Variants in MPDZ observed in about 807,000 individuals in gnomAD.
MPDZ encodes multiple PDZ domain crumbs cell polarity complex component.
MPDZ carries 234 observed loss-of-function variants against 239.1 expected under a neutral mutation model. That is an observed-to-expected ratio of 0.98 (90% confidence interval 0.88 to 1.09). MPDZ has a LOEUF of 1.09. Among genes scored for constraint, MPDZ ranks in the 50% least tolerant of loss-of-function variants. The probability of loss-of-function intolerance (pLI) is 0.00; values close to 1 mark genes in which losing one functional copy is unlikely to be tolerated. For missense variants in MPDZ, 3,175 were observed against 2,510.0 expected, an observed-to-expected ratio of 1.26 and a Z score of -5.66; for synonymous variants, 1,048 against 881.3, an observed-to-expected ratio of 1.19 and a Z score of -3.35.
At chr9:13,180,750 G>GAC (rs1342715530) in intron 19 of MPDZ, among the ~76,000 whole-genome samples, 1 of 152,152 alleles carries the variant, frequency 6.6e-6, no homozygotes, top group African/African-American at 2.4e-5. Flanking sequence ...ATATTTCAAT[G>GAC]ACCTGCCTCT....
At chr9:13,144,735 G>C (rs1012051002) in intron 26 of MPDZ, among the ~76,000 whole-genome samples, 3 of 151,932 alleles carry the variant, frequency 2.0e-5, no homozygotes, top group Non-Finnish European at 4.4e-5. Context: ...TCCTACAGAG[G>C]GAAGACAGGA....
rs191075409 is a variant in MPDZ at position 13,248,694 on chromosome 9, G to A, written c.17-893C>T. ...GTTAAAAAGTGGGAATCAGTGGGGC[G>A]CGGTGGCTCATGTCTGTAATCCCCG... On this transcript the variant is annotated intron_variant, in intron 2 of 46. Coordinates refer to ENST00000319217, the MANE Select transcript of MPDZ (RefSeq NM_001378778.1). Among the ~76,000 whole-genome samples the A allele has an allele frequency of 9.9e-5, 15 of 151,672 alleles. No homozygotes were observed. In the South Asian group the frequency reaches 1.0e-3, roughly 11 times the overall value.
In MPDZ at chr9:13,122,159, A is replaced by C. The variant is rs1219251163; in HGVS notation, c.4965T>G (p.Ile1655Met). 1 of 1,613,986 alleles carries C rather than the reference A, an allele frequency of 6.2e-7. No homozygotes were observed. The highest frequency in any genetic ancestry group is 8.5e-7 in the Non-Finnish European group (1 of 1,179,892). Residue 1655 changes from isoleucine to methionine, a missense_variant, in exon 37 of 47, where the codon ATT becomes ATG. Physicochemically the swap from Ile to Met is conservative, Grantham distance 10 (BLOSUM62 1). Transcript: ENST00000319217. ...GGSDTLLGAI[I>M]IHEVYEEGAA... is the part of the protein sequence containing the mutation. The stretch of plus-strand genomic sequence containing the variant: ...CTCCTTCTTCATAAACTTCATGGAT[A>C]ATAATGGCACCCTAAGGGCCCAAAC...
At chr9:13,159,115 A>G (rs993816057) in intron 23 of MPDZ, among the ~76,000 whole-genome samples, 2 of 152,190 alleles carry the variant, frequency 1.3e-5, no homozygotes, top group African/African-American at 4.8e-5. Context: ...CTCAACTGAT[A>G]TAATATGTTG....
At chr9:13,213,917 G>C (rs1957962686) in intron 10 of MPDZ, among the ~76,000 whole-genome samples, 1 of 151,968 alleles carries the variant, frequency 6.6e-6, no homozygotes, top group South Asian at 2.1e-4. Context: ...TCTGCTATCA[G>C]ATATTGTCAA....
chr9:13,208,143 T>A, intron 10 of MPDZ, among the ~76,000 whole-genome samples: 1 of 152,128 alleles, frequency 6.6e-6, no homozygotes, highest in East Asian at 1.9e-4. Context: ...TATGCGAAAA[T>A]TATAAGATCT....
chr9:13,171,218 AAAAAC>A (rs1490509535), intron 21 of MPDZ, among the ~76,000 whole-genome samples: 2 of 152,192 alleles, frequency 1.3e-5, no homozygotes, highest in South Asian at 2.1e-4. Flanking sequence ...TCACAAAACT[AAAAAC>A]AAAACAAAAC....
chr9:13,232,166 G>T (rs948584234), intron 3 of MPDZ, among the ~76,000 whole-genome samples: 1 of 152,180 alleles, frequency 6.6e-6, no homozygotes, highest in Non-Finnish European at 1.5e-5. Flanking sequence ...CCACATAATT[G>T]TGTGTACTGA....
chr9:13,189,293 T>G (rs1954575232), intron 16 of MPDZ, among the ~76,000 whole-genome samples: 1 of 152,106 alleles, frequency 6.6e-6, no homozygotes, highest in African/African-American at 2.4e-5. Flanking sequence ...GTTATCAAAT[T>G]TTATAACTAT....
chr9:13,175,121 G>A (rs183558303), intron 21 of MPDZ, among the ~76,000 whole-genome samples: 2 of 152,312 alleles, frequency 1.3e-5, no homozygotes, highest in East Asian at 3.9e-4. Context: ...TCACATGACT[G>A]TGTAACTCAA....
chr9:13,130,687 G>A (rs73406211), intron 32 of MPDZ, among the ~76,000 whole-genome samples: 195 of 152,304 alleles, frequency 1.3e-3, no homozygotes, highest in African/African-American at 4.6e-3. Flanking sequence ...ACAGAGGTGA[G>A]ATTTAAGTTG....
chr9:13,235,351 C>T (rs959109425), intron 3 of MPDZ, among the ~76,000 whole-genome samples: 2 of 152,142 alleles, frequency 1.3e-5, no homozygotes, highest in Non-Finnish European at 2.9e-5. Flanking sequence ...CACAATTTTA[C>T]ATTTTCTATG....
At chr9:13,179,682 A>G (rs1025986704) in intron 19 of MPDZ, among the ~76,000 whole-genome samples, 1 of 152,208 alleles carries the variant, frequency 6.6e-6, no homozygotes, top group Non-Finnish European at 1.5e-5. Context: ...TCAAAAGTCT[A>G]TATTAATATG....
chr9:13,240,683 T>C (rs916312563), intron 3 of MPDZ, among the ~76,000 whole-genome samples: 3 of 151,554 alleles, frequency 2.0e-5, no homozygotes, highest in Non-Finnish European at 4.4e-5. Flanking sequence ...TCAGATTATG[T>C]TATACAAGCT....
At chr9:13,228,516 C>G (rs1961351548) in intron 3 of MPDZ, among the ~76,000 whole-genome samples, 1 of 151,910 alleles carries the variant, frequency 6.6e-6, no homozygotes. Context: ...AAAATATGTA[C>G]CTTATTTTAA....
Position 13,140,083 on chromosome 9 carries a change from A to G in MPDZ, c.3907T>C (p.Ser1303Pro). The G allele has an allele frequency of 6.2e-7, 1 of 1,613,422 alleles. No individual in the cohort carries two copies. Among genetic ancestry groups the G allele is most frequent in the South Asian group, 1.1e-5 (1 of 91,064 alleles). Residue 1303 changes from serine to proline, a missense_variant, in exon 28 of 47, where the codon TCA becomes CCA. Transcript: ENST00000319217. ...PLCSVPPPPP[S>P]AFAEMGSDHT... ...TCACTACCCATTTCGGCAAAGGCTG[A>G]AGGAGGGGGTGGGGGCACACTGCAC...
intron 25 of MPDZ, among the ~76,000 whole-genome samples, chr9:13,148,901 C>A (rs1948784749): frequency 1.3e-5 from 2 of 151,828 alleles, no homozygotes; most frequent in South Asian, 2.1e-4. Flanking sequence ...AAAGTTCTTT[C>A]TTTTCCATTT....
chr9:13,273,638 T>C (rs968883942), intron 1 of MPDZ, among the ~76,000 whole-genome samples: 1 of 152,134 alleles, frequency 6.6e-6, no homozygotes, highest in Admixed American at 6.5e-5. Flanking sequence ...AATGGAAATA[T>C]CATGTGAGCC....
intron 11 of MPDZ, 94 bp from the exon 12 acceptor site, chr9:13,205,201 G>T (rs983514538): frequency 3.3e-6 from 2 of 607,700 alleles, no homozygotes; most frequent in African/African-American, 3.9e-5. Flanking sequence ...ACTCCTACAT[G>T]AGAATCTGTT....
Sources: gnomAD v4.1 joint callset for allele counts (sites outside exome capture counted in the v4.1 genomes callset) on GRCh38, gnomAD v4.1.1 for gene constraint, MANE v1.5 for transcripts, NCBI Gene and HGNC (gene_info 2026-07-23, HGNC 2026-07-21) for gene names.